The following EPHA6 variants were observed in gnomAD, a reference collection of about 807,000 sequenced individuals.
EPHA6 encodes EPH receptor A6, also known as ephrin type-A receptor 6.
Under a neutral mutation model 112.0 loss-of-function variants are expected in EPHA6, and 50 were observed. The ratio of observed to expected loss-of-function variants is 0.45; its 90% CI spans 0.36 to 0.56. EPHA6 has a LOEUF of 0.56. EPHA6 is among the 20% of genes least tolerant of loss of function. The probability of loss-of-function intolerance (pLI) is 0.00; values close to 1 mark genes in which losing one functional copy is unlikely to be tolerated. For synonymous variants in EPHA6, 529 were observed against 490.7 expected, an observed-to-expected ratio of 1.08 and a Z score of -1.03; for missense variants, 1,280 against 1,417.4, an observed-to-expected ratio of 0.90 and a Z score of 1.56.
At chr3:97,347,895 TTTAA>T (rs2083610284) in intron 5 of EPHA6, among the ~76,000 whole-genome samples, 1 of 152,242 alleles carries the variant, frequency 6.6e-6, no homozygotes, top group African/African-American at 2.4e-5. Flanking sequence ...TCAACACATC[TTTAA>T]TTAAAGAAGC....
chr3:96,816,563 GTACTT>G (rs555330051), intron 1 of EPHA6, among the ~76,000 whole-genome samples: 2 of 152,214 alleles, frequency 1.3e-5, no homozygotes, highest in Admixed American at 1.3e-4. Context: ...CATTGATACT[GTACTT>G]TATAATAGTA....
chr3:97,363,707 T>C (rs973481975), intron 5 of EPHA6, among the ~76,000 whole-genome samples: 3 of 152,060 alleles, frequency 2.0e-5, no homozygotes, highest in African/African-American at 7.2e-5. Context: ...TGTGTACCAG[T>C]GTTTGTAACA....
chr3:97,480,920 C>T (rs1392041954), intron 9 of EPHA6, among the ~76,000 whole-genome samples: 2 of 151,312 alleles, frequency 1.3e-5, no homozygotes, highest in Admixed American at 6.6e-5. Context: ...AGACAATGGG[C>T]GGCCGGGCAA....
At chr3:97,328,014 T>C (rs1206574619) in intron 5 of EPHA6, among the ~76,000 whole-genome samples, 1 of 133,034 alleles carries the variant, frequency 7.5e-6, no homozygotes, top group African/African-American at 3.3e-5. Flanking sequence ...TATGTATATG[T>C]GTATATATGT....
chr3:96,879,993 T>C (rs1307110529), intron 2 of EPHA6, among the ~76,000 whole-genome samples: 4 of 151,984 alleles, frequency 2.6e-5, no homozygotes, highest in African/African-American at 9.7e-5. Context: ...AAACTACCTA[T>C]TGGGTACAAT....
chr3:96,889,963 C>T (rs1369498622), intron 2 of EPHA6, among the ~76,000 whole-genome samples: 1 of 151,828 alleles, frequency 6.6e-6, no homozygotes, highest in Non-Finnish European at 1.5e-5. Flanking sequence ...TGCAGGATAT[C>T]CACATTGGAA....
intron 14 of EPHA6, among the ~76,000 whole-genome samples, chr3:97,647,835 A>C (rs922544595): frequency 6.6e-6 from 1 of 152,150 alleles, no homozygotes; most frequent in African/African-American, 2.4e-5. Flanking sequence ...TAGGCAACCC[A>C]GTCTTAAACT....
At chr3:97,564,283 G>A (rs927602248) in intron 11 of EPHA6, among the ~76,000 whole-genome samples, 1 of 152,068 alleles carries the variant, frequency 6.6e-6, no homozygotes, top group African/African-American at 2.4e-5. Context: ...TTACCTTTAA[G>A]GAGCAAGAAG....
chr3:97,306,983 G>C (rs2081348324), intron 5 of EPHA6, among the ~76,000 whole-genome samples: 1 of 150,292 alleles, frequency 6.7e-6, no homozygotes. Flanking sequence ...TTCCCTCCCT[G>C]TATTTTGTAA....
intron 3 of EPHA6, among the ~76,000 whole-genome samples, chr3:97,091,205 C>T (rs2108229597): frequency 6.6e-6 from 1 of 152,176 alleles, no homozygotes; most frequent in South Asian, 2.1e-4. Flanking sequence ...AATAGGTTTT[C>T]CTTTGATGTT....
intron 3 of EPHA6, among the ~76,000 whole-genome samples, chr3:97,027,884 A>G (rs947470809): frequency 2.0e-5 from 3 of 152,150 alleles, no homozygotes; most frequent in African/African-American, 7.2e-5. Context: ...ATCAAGAATG[A>G]TATGCAATTG....
At chr3:96,855,002 G>A (rs563244314) in intron 1 of EPHA6, among the ~76,000 whole-genome samples, 25 of 152,228 alleles carry the variant, frequency 1.6e-4, no homozygotes, top group African/African-American at 5.5e-4. Flanking sequence ...GTGCAACTGC[G>A]TTCCATTCTG....
At chr3:97,223,430 G>A (rs1453913671) in intron 3 of EPHA6, among the ~76,000 whole-genome samples, 1 of 152,176 alleles carries the variant, frequency 6.6e-6, no homozygotes, top group African/African-American at 2.4e-5. Flanking sequence ...AGCTGAGTAA[G>A]AGCAAGTGTT....
intron 5 of EPHA6, among the ~76,000 whole-genome samples, chr3:97,385,354 G>T (rs1404205858): frequency 1.3e-5 from 2 of 152,030 alleles, no homozygotes; most frequent in African/African-American, 4.8e-5. Flanking sequence ...AACATTAAAT[G>T]CATATCAAGA....
intron 1 of EPHA6, among the ~76,000 whole-genome samples, chr3:96,851,809 C>T (rs1029806954): frequency 6.6e-6 from 1 of 151,934 alleles, no homozygotes; most frequent in Non-Finnish European, 1.5e-5. Flanking sequence ...GCCTGGAGTG[C>T]TGCGCTTGAG....
At chr3:97,008,243 A>G (rs1339876450) in intron 3 of EPHA6, among the ~76,000 whole-genome samples, 3 of 152,154 alleles carry the variant, frequency 2.0e-5, no homozygotes, top group Non-Finnish European at 2.9e-5. Context: ...TGGTACTCCA[A>G]TCAATCATAG....
chr3:96,923,846 A>G (rs2039898988), intron 2 of EPHA6, among the ~76,000 whole-genome samples: 1 of 145,528 alleles, frequency 6.9e-6, no homozygotes, highest in South Asian at 2.1e-4. Context: ...TTTTCTGTAT[A>G]TGGCTAGCCA....
At chr3:97,529,879 A>G (rs1211244090) in intron 10 of EPHA6, among the ~76,000 whole-genome samples, 1 of 152,058 alleles carries the variant, frequency 6.6e-6, no homozygotes, top group Non-Finnish European at 1.5e-5. Flanking sequence ...ATTTCAGACA[A>G]CAGAAAACAA....
chr3:96,855,682 T>C (rs1055665967), intron 1 of EPHA6, among the ~76,000 whole-genome samples: 1 of 140,666 alleles, frequency 7.1e-6, no homozygotes, highest in African/African-American at 2.8e-5. Context: ...TCTTTGAAAA[T>C]GAAAAAAAAA....
Sources: gnomAD v4.1 joint callset for allele counts (sites outside exome capture counted in the v4.1 genomes callset) on GRCh38, gnomAD v4.1.1 for gene constraint, MANE v1.5 for transcripts, NCBI Gene and HGNC (gene_info 2026-07-23, HGNC 2026-07-21) for gene names.